JADE3: variants seen among roughly 807,000 people sequenced by gnomAD.
JADE3 encodes the protein jade family PHD finger 3.
Under a neutral mutation model 50.1 loss-of-function variants are expected in JADE3, and 2 were observed. The observed-to-expected ratio is 0.04, with a 90% CI of 0.02 to 0.13. The LOEUF is 0.13. Among genes scored for constraint, JADE3 ranks in the 10% least tolerant of loss-of-function variants. The pLI is 1.00. For synonymous variants in JADE3, 218 were observed against 232.9 expected, an observed-to-expected ratio of 0.94 and a Z score of 0.58; for missense variants, 475 against 634.4, an observed-to-expected ratio of 0.75 and a Z score of 2.70.
Position 47,038,889 on chromosome X carries a change from G to A in JADE3, c.856-60G>A, listed in dbSNP as rs907245172. Reference sequence around the variant, plus strand: ...CTTTATGTAACATCGTTTATGGTTTGTGAAAGGTACTTCTGGGATGCCTTG... The same window carrying A: ...CTTTATGTAACATCGTTTATGGTTTATGAAAGGTACTTCTGGGATGCCTTG... On this transcript the variant is annotated intron_variant, in intron 7 of 10. Transcript: ENST00000614628. The A allele has an allele frequency of 3.4e-4, 201 of 593,834 alleles. No individual in the cohort carries two copies. In the Middle Eastern group the frequency reaches 5.1e-3, roughly 15 times the overall value. 48.9% of individuals were successfully genotyped at this position (593,834 alleles called of 1,213,427 possible).
intron 1 of JADE3, among the ~76,000 whole-genome samples, chrX:46,919,327 A>G (rs1451949696): frequency 2.7e-5 from 3 of 112,189 alleles, no homozygotes; most frequent in Non-Finnish European, 5.6e-5. Context: ...GGTCAAGCCA[A>G]AAGACCGTTA....
intron 1 of JADE3, among the ~76,000 whole-genome samples, chrX:46,970,092 T>A (rs1292569033): frequency 8.9e-6 from 1 of 112,521 alleles, no homozygotes; most frequent in Non-Finnish European, 1.9e-5. Flanking sequence ...AGATTCTGAC[T>A]TAATTGGTAA....
At chrX:46,921,282 G>A (rs1926215350) in intron 1 of JADE3, among the ~76,000 whole-genome samples, 1 of 111,992 alleles carries the variant, frequency 8.9e-6, no homozygotes, top group African/African-American at 3.2e-5. Flanking sequence ...GTCTTGCTAT[G>A]TTCCCCGGGC....
At chrX:47,050,734 CT>C (rs1159742922) in intron 8 of JADE3, among the ~76,000 whole-genome samples, 1 of 111,683 alleles carries the variant, frequency 9.0e-6, no homozygotes, top group Non-Finnish European at 1.9e-5. Context: ...CTGAGAAGAT[CT>C]GTTTTTAGCT....
chrX:46,950,310 C>T (rs1427155329), intron 1 of JADE3, among the ~76,000 whole-genome samples: 1 of 112,057 alleles, frequency 8.9e-6, no homozygotes, highest in African/African-American at 3.2e-5. Context: ...CACTCTTCTC[C>T]CCTCAGCCCT....
intron 1 of JADE3, among the ~76,000 whole-genome samples, chrX:46,935,826 C>CTTTTT (rs142025908): frequency 9.6e-5 from 6 of 62,732 alleles, no homozygotes; most frequent in East Asian, 5.7e-4. Context: ...AAGTCTTTCA[C>CTTTTT]TTTTTTTTTT....
intron 1 of JADE3, among the ~76,000 whole-genome samples, chrX:46,914,525 T>C (rs1556335874): frequency 1.8e-5 from 2 of 112,201 alleles, no homozygotes; most frequent in African/African-American, 6.5e-5. Context: ...TACCCTCTCT[T>C]CAAGGATTAC....
chrX:46,990,441 C>G (rs1467538596), intron 3 of JADE3, among the ~76,000 whole-genome samples: 2 of 111,552 alleles, frequency 1.8e-5, no homozygotes, highest in African/African-American at 6.5e-5. Context: ...GTCTCTACTG[C>G]TTCATAGAGG....
chrX:46,954,355 T>A, intron 1 of JADE3, among the ~76,000 whole-genome samples: 1 of 111,894 alleles, frequency 8.9e-6, no homozygotes, highest in Non-Finnish European at 1.9e-5. Context: ...GGTTTGGTTT[T>A]AGTTTTGAAA....
intron 3 of JADE3, among the ~76,000 whole-genome samples, chrX:46,995,793 T>C (rs1556357266): frequency 4.5e-5 from 5 of 111,396 alleles, no homozygotes. Flanking sequence ...TTGACTTCCA[T>C]AGCAAAATAA....
At chrX:46,928,420 G>T (rs1487351134) in intron 1 of JADE3, among the ~76,000 whole-genome samples, 1 of 112,034 alleles carries the variant, frequency 8.9e-6, no homozygotes, top group Non-Finnish European at 1.9e-5. Context: ...CATGTGACTT[G>T]CAGGTATACA....
intron 1 of JADE3, among the ~76,000 whole-genome samples, chrX:46,932,364 G>T (rs893851356): frequency 6.3e-5 from 7 of 111,914 alleles, no homozygotes; most frequent in African/African-American, 1.9e-4. Context: ...TTTGGTAGAA[G>T]AAATTATCCT....
intron 1 of JADE3, among the ~76,000 whole-genome samples, chrX:46,942,069 T>A (rs1241043200): frequency 9.0e-6 from 1 of 111,031 alleles, no homozygotes; most frequent in Admixed American, 9.6e-5. Flanking sequence ...ATGGGGTTGT[T>A]TTTTCACTTG....
intron 1 of JADE3, among the ~76,000 whole-genome samples, chrX:46,966,876 G>T (rs1927380117): frequency 8.9e-6 from 1 of 111,894 alleles, no homozygotes; most frequent in Non-Finnish European, 1.9e-5. Context: ...GAAGTTAAAA[G>T]GCAGATTTTT....
chrX:46,945,510 C>T lies in JADE3; in HGVS notation c.-12+32791C>T, dbSNP rs1318899306. On this transcript the variant is annotated intron_variant, in intron 1 of 10. Transcript: ENST00000614628. ...TGCACAGCCCCCAGTGCTGCTGCTA[C>T]CACTGACTTGCTTGACTTCCCATTT... 2.7e-5 allele frequency among the ~76,000 whole-genome samples: 3 copies of T among 111,369 alleles called. No homozygotes were observed. In the Admixed American group the frequency reaches 2.9e-4, roughly 11 times the overall value.
At position 46,996,497 on chromosome X, in the gene JADE3, A is replaced by T. The variant is rs1174933534; in HGVS notation, c.127-1623A>T. On this transcript the variant is annotated intron_variant, in intron 3 of 10. Transcript: ENST00000614628. Reference sequence around the variant, plus strand: ...TAACATAAACGAGGTAGCTTAAAACAGTAGGAATTTATTCTTTCACAGTAT... The same window carrying T: ...TAACATAAACGAGGTAGCTTAAAACTGTAGGAATTTATTCTTTCACAGTAT... Among the ~76,000 whole-genome samples the T allele has an allele frequency of 2.7e-5, 3 of 112,488 alleles. No homozygotes were observed. In the East Asian group the frequency reaches 8.3e-4, roughly 31 times the overall value.
intron 1 of JADE3, among the ~76,000 whole-genome samples, chrX:46,937,270 C>T (rs1201662973): frequency 1.8e-5 from 2 of 111,138 alleles, no homozygotes; most frequent in East Asian, 5.6e-4. Flanking sequence ...ATTCTTAATT[C>T]CTTTATGGTC....
chrX:47,025,072 T>C (rs1211968103), intron 5 of JADE3, among the ~76,000 whole-genome samples, 158 bp downstream of exon 5: 1 of 112,153 alleles, frequency 8.9e-6, no homozygotes, highest in Non-Finnish European at 1.9e-5. Context: ...GTGAGATATT[T>C]CTTCAAATGC....
chrX:47,049,117 G>A (rs150392849), intron 8 of JADE3, among the ~76,000 whole-genome samples: 5 of 110,047 alleles, frequency 4.5e-5, no homozygotes, highest in African/African-American at 6.6e-5. Flanking sequence ...AATAGAATGC[G>A]CCAGACATAT....
Sources: gnomAD v4.1 joint callset for allele counts (sites outside exome capture counted in the v4.1 genomes callset) on GRCh38, gnomAD v4.1.1 for gene constraint, MANE v1.5 for transcripts, NCBI Gene and HGNC (gene_info 2026-07-23, HGNC 2026-07-21) for gene names.